BRD9: variants seen among roughly 807,000 people sequenced by gnomAD.
BRD9 encodes bromodomain-containing protein 9.
BRD9 carries 47 observed loss-of-function variants against 68.7 expected under a neutral mutation model. The observed-to-expected ratio is 0.68, with a 90% confidence interval of 0.54 to 0.87. The LOEUF is 0.87. BRD9 is among the 40% of genes least tolerant of loss of function. The pLI, the probability that BRD9 is intolerant of heterozygous loss-of-function variation, is 0.00. For synonymous variants in BRD9, 313 were observed against 293.9 expected (o/e 1.06, Z -0.67); for missense variants, 670 against 748.4 (o/e 0.90, Z 1.22).
chr5:871,658 G>C, intron 12 of BRD9, 94 bp from the exon 13 acceptor site: 1 of 1,208,812 alleles, frequency 8.3e-7, no homozygotes. Context: ...AAAATGGCTT[G>C]TGCGCTTCTG....
In BRD9 at chr5:865,423, G is replaced by A. The variant is rs369221536; in HGVS notation, c.1684C>T (p.His562Tyr). 33 of 1,581,384 alleles carry A rather than the reference G, an allele frequency of 2.1e-5. No homozygotes were observed. The highest frequency in any genetic ancestry group is 2.6e-5 in the Non-Finnish European group (30 of 1,160,184). ...GGTGGGGGCATCTCACCCAGGTGGTGCTGGTCCCTCTCGGAGGCGTTGGAC... is the reference window on the plus strand; with the variant it reads ...GGTGGGGGCATCTCACCCAGGTGGTACTGGTCCCTCTCGGAGGCGTTGGAC... ...SLSNASERDQ[H>Y]HLGSPSRLSV... The change falls in exon 15 of 16, where the codon CAC becomes TAC. Residue 562 changes from histidine to tyrosine, a missense_variant. His to Tyr is a moderately conservative substitution (Grantham distance 83). Transcript: ENST00000467963.
At chr5:891,409 T>C (rs2150665206) in intron 2 of BRD9, 122 bp from the exon 3 acceptor site, 2 of 1,410,268 alleles carry the variant, frequency 1.4e-6, no homozygotes, top group South Asian at 2.9e-5. Context: ...TCCGAGATCC[T>C]CCTCATGCCA....
In BRD9 at chr5:864,412, A is replaced by G. The variant is rs557713899; in HGVS notation, c.*56T>C. On this transcript the variant is annotated 3_prime_UTR_variant, in exon 16 of 16. Transcript: ENST00000467963. The stretch of plus-strand genomic sequence containing the variant: ...GTCCTTGTCTGATGACAAAAACTCT[A>G]CACGTGCAAAATAAAACTAAAAAAA... 3.0e-5 allele frequency: 37 copies of G among 1,227,272 alleles called. No individual in the cohort carries two copies. The African/African-American group carries it at 4.6e-4, about 15-fold the overall frequency. 76.0% of individuals were successfully genotyped at this position (1,227,272 alleles called of 1,614,324 possible). A position where few individuals can be genotyped will look rare whatever the true frequency, so the allele number is the denominator to read the frequency against.
rs1474394722 is a variant in BRD9 at position 876,204 on chromosome 5, T to G, written c.1280A>C (p.Glu427Ala). The change falls in exon 12 of 16, where the codon GAG becomes GCG. Residue 427 changes from glutamate (E) to alanine (A), a missense_variant. By Grantham distance (107) the Glu-to-Ala change is moderately radical (BLOSUM62 -1). Transcript: ENST00000467963. The part of the protein sequence containing the change: ...TGVQCALSLQ[E>A]FVKDAGSYSK... ...GTAGCTCCCAGCATCCTTCACAAAC[T>G]CCTGCAGGCTAGAGGGGCCGCGGGA... The G allele has an allele frequency of 6.2e-7, 1 of 1,613,506 alleles. No homozygotes were observed. Among genetic ancestry groups the G allele is most frequent in the Admixed American group, 1.7e-5 (1 of 59,990 alleles).
At chr5:878,010 C>G (rs1413814475) in intron 11 of BRD9, among the ~76,000 whole-genome samples, 1 of 152,180 alleles carries the variant, frequency 6.6e-6, no homozygotes, top group Non-Finnish European at 1.5e-5. Context: ...AAATGCCAGC[C>G]CCCAGGAATA....
rs1052733396 is a variant in BRD9, at chr5:871,664, T to G, written c.1384-100A>C. ...ACACACGTAAAAATGGCTTGTGCGCTTCTGCGAATTCTGCTCCCCAGTCAC... is the reference window on the plus strand; with the variant it reads ...ACACACGTAAAAATGGCTTGTGCGCGTCTGCGAATTCTGCTCCCCAGTCAC... On this transcript the variant is annotated intron_variant, in intron 12 of 15. Coordinates refer to ENST00000467963, the MANE Select transcript of BRD9 (RefSeq NM_023924.5). 3.8e-6 allele frequency: 4 copies of G among 1,043,022 alleles called. No homozygotes were observed. The African/African-American group carries it at 6.3e-5, about 16-fold the overall frequency. 64.6% of individuals were successfully genotyped at this position (1,043,022 alleles called of 1,614,324 possible). A position where few individuals can be genotyped will look rare whatever the true frequency, so the allele number is the denominator to read the frequency against.
At chr5:884,312 C>T (rs1202556168) in intron 7 of BRD9, among the ~76,000 whole-genome samples, 1 of 152,228 alleles carries the variant, frequency 6.6e-6, no homozygotes, top group East Asian at 1.9e-4. Flanking sequence ...TCCTATTTTT[C>T]AACGCAGTGC....
intron 11 of BRD9, 69 bp downstream of exon 11, chr5:878,286 T>C: frequency 3.1e-6 from 5 of 1,588,418 alleles, no homozygotes; most frequent in East Asian, 2.2e-5. Context: ...CATGTGGGAC[T>C]CCACGTCCCA....
intron 14 of BRD9, chr5:869,181 G>A (rs1749783938): frequency 2.6e-6 from 1 of 377,738 alleles, no homozygotes; most frequent in South Asian, 2.0e-5. Flanking sequence ...TCTTGGCCAA[G>A]GGCACTCCAA....
At position 870,504 on chromosome 5, in the gene BRD9, A is replaced by G. The variant is rs1051630; in HGVS notation, c.1494T>C (p.Val498=). 0.063 allele frequency: 102,129 copies of G among 1,613,764 alleles called. 5,948 individuals carry two copies. Among genetic ancestry groups the G allele is most frequent in the African/African-American group, 0.31 (23,528 of 74,912 alleles). The part of the protein sequence containing the change: ...EFMSMKSYPD[V]SVDISMLSSL... ...AGCTGAGCATGGAGATATCCACAGA[A>G]ACGTCGGGATAGGACTTCATCGACA... The change falls in exon 14 of 16, where the codon GTT becomes GTC. Residue 498 remains valine (V), a synonymous_variant. Transcript: ENST00000467963.
chr5:878,905 G>A (rs2150590575), intron 10 of BRD9: 2 of 112,058 alleles, frequency 1.8e-5, no homozygotes, highest in East Asian at 1.3e-4. Context: ...AGGGTGTGGA[G>A]CAGCACCCCT....
Position 889,661 on chromosome 5 carries a change from GA to G in BRD9, c.401-15del, listed in dbSNP as rs747777302. ...TCTCATTTTCGGCTGACAATTTAAG[GA>G]AAAAAAAATTGAATACAAGACTTTG... On this transcript the variant is annotated splice_polypyrimidine_tract_variant and intron_variant, in intron 3 of 15. Transcript: ENST00000467963. 29 of 1,604,106 alleles carry G rather than the reference GA, an allele frequency of 1.8e-5. No individual in the cohort carries two copies. Among genetic ancestry groups the G allele is most frequent in the Middle Eastern group, 1.7e-4 (1 of 6,034 alleles).
chr5:880,982 C>T (rs1193812058), intron 9 of BRD9, 125 bp downstream of exon 9: 7 of 959,650 alleles, frequency 7.3e-6, no homozygotes, highest in Admixed American at 6.8e-5. Context: ...CGAGCAAGGT[C>T]GGGAAGCCGG....
rs1753634472 is a variant in BRD9, at chr5:892,618, A to T, written c.40T>A (p.Ser14Thr). 2.6e-6 allele frequency: 4 copies of T among 1,528,106 alleles called. No homozygotes were observed. The highest frequency in any genetic ancestry group is 3.5e-6 in the Non-Finnish European group (4 of 1,137,084). 94.7% of individuals were successfully genotyped at this position (1,528,106 alleles called of 1,614,324 possible). A position where few individuals can be genotyped will look rare whatever the true frequency, so the allele number is the denominator to read the frequency against. ...KHKKHKAEWR[S>T]SYEDYADKPL... is the part of the protein sequence containing the mutation. The stretch of plus-strand genomic sequence containing the variant: ...GCCGCCGCCTCACCCTCGTAGGACG[A>T]GCGCCACTCGGCCTTGTGCTTCTTG... The change falls in exon 1 of 16, where the codon TCG (serine) becomes ACG (threonine). Residue 14 changes from serine (S) to threonine (T), a missense_variant. Ser to Thr is a moderately conservative substitution (Grantham distance 58). Around this residue, in one of 5 missense-constraint regions of BRD9, gnomAD observed 161 missense variants for 148.1 expected, o/e 1.09. Transcript: ENST00000467963.
intron 5 of BRD9, among the ~76,000 whole-genome samples, chr5:888,795 C>CA (rs1273216867): frequency 6.6e-6 from 1 of 152,192 alleles, no homozygotes; most frequent in Admixed American, 6.5e-5. Context: ...AGAAAAGAAA[C>CA]AGACTTCTAA....
chr5:891,317 G>A lies in BRD9; in HGVS notation c.268-30C>T, dbSNP rs539025107. On this transcript the variant is annotated intron_variant, in intron 2 of 15. Coordinates refer to ENST00000467963, the MANE Select transcript of BRD9 (RefSeq NM_023924.5). Reference sequence around the variant, plus strand: ...GCGGCAGAGTCAAGGGAGTGAGAAAGGCAGGAGTAGGCGGGATCCGGACAG... The same window carrying A: ...GCGGCAGAGTCAAGGGAGTGAGAAAAGCAGGAGTAGGCGGGATCCGGACAG... 9.1e-5 allele frequency: 141 copies of A among 1,547,040 alleles called. No individual in the cohort carries two copies. The African/African-American group carries it at 1.5e-3, about 17-fold the overall frequency.
intron 5 of BRD9, 71 bp from the exon 6 acceptor site, chr5:887,542 C>T (rs1752744956): frequency 8.8e-7 from 1 of 1,141,828 alleles, no homozygotes; most frequent in South Asian, 1.3e-5. Flanking sequence ...TAGATGACTA[C>T]CAAGAGACCA....
chr5:874,524 T>C (rs1292298170), intron 12 of BRD9, among the ~76,000 whole-genome samples: 1 of 152,246 alleles, frequency 6.6e-6, no homozygotes, highest in Non-Finnish European at 1.5e-5. Flanking sequence ...GGGTCAGGAC[T>C]GTCCACCAGG....
At chr5:867,804 G>T (rs544702755) in intron 14 of BRD9, among the ~76,000 whole-genome samples, 1 of 152,246 alleles carries the variant, frequency 6.6e-6, no homozygotes, top group Non-Finnish European at 1.5e-5. Context: ...ACAGGCAGAA[G>T]TAACTTGCCT....
Sources: gnomAD v4.1 joint callset for allele counts (sites outside exome capture counted in the v4.1 genomes callset) on GRCh38, gnomAD v4.1.1 for gene constraint, gnomAD v4.1.1 regional missense constraint, MANE v1.5 for transcripts, NCBI Gene and HGNC (gene_info 2026-07-23, HGNC 2026-07-21) for gene names.